Variants in NLRC5 observed in about 807,000 individuals in gnomAD.
The protein encoded by NLRC5 is NLR family CARD domain containing 5, also known as protein NLRC5.
Under a neutral mutation model 206.9 loss-of-function variants are expected in NLRC5, and 114 were observed. The ratio of observed to expected loss-of-function variants is 0.55; its 90% confidence interval spans 0.47 to 0.64. The LOEUF is 0.64. Among genes scored for constraint, NLRC5 ranks in the 30% least tolerant of loss-of-function variants. NLRC5 has a pLI of 0.00. For missense variants in NLRC5, 2,008 were observed against 2,305.5 expected (o/e 0.87, Z 2.64); for synonymous variants, 952 against 962.8 (o/e 0.99, Z 0.21).
chr16:57,025,227 T>C, intron 5 of NLRC5, 141 bp from the exon 6 acceptor site: 2 of 1,392,946 alleles, frequency 1.4e-6, no homozygotes, highest in South Asian at 1.7e-5. Context: ...CCCCCTATGG[T>C]GCTCTTGACA....
intron 46 of NLRC5, among the ~76,000 whole-genome samples, chr16:57,079,952 C>T (rs11639875): frequency 0.065 from 9,870 of 152,204 alleles, 446 homozygotes; most frequent in South Asian, 0.13. Flanking sequence ...ACTGGATAGA[C>T]CACCTTGCCT....
chr16:57,080,530 G>A (rs1258196378), intron 46 of NLRC5, among the ~76,000 whole-genome samples: 1 of 130,596 alleles, frequency 7.7e-6, no homozygotes, highest in South Asian at 2.4e-4. Context: ...TGTTACCCAG[G>A]CTGGAGTGCA....
intron 41 of NLRC5, 123 bp downstream of exon 41, chr16:57,077,502 T>A: frequency 9.9e-7 from 1 of 1,012,488 alleles, no homozygotes; most frequent in Non-Finnish European, 1.5e-6. Flanking sequence ...GTCCAGGCAG[T>A]GGGGCTCGGT....
At chr16:57,049,107 T>TAA (rs572162331) in intron 23 of NLRC5, among the ~76,000 whole-genome samples, 10 of 141,990 alleles carry the variant, frequency 7.0e-5, no homozygotes, top group African/African-American at 7.8e-5. Flanking sequence ...GCTGATGTGC[T>TAA]AAAAAAAAAA....
At chr16:56,995,378 ACG>A (rs2057476785) in intron 1 of NLRC5, among the ~76,000 whole-genome samples, 1 of 152,244 alleles carries the variant, frequency 6.6e-6, no homozygotes, top group Non-Finnish European at 1.5e-5. Flanking sequence ...GGCGTAAGCA[ACG>A]CCCTGGTGAA....
rs1424611882 is a variant in NLRC5 at position 57,083,108 on chromosome 16, T to C, written c.*580T>C. 1 of 152,382 alleles carries C rather than the reference T, an allele frequency of 6.6e-6. No homozygotes were observed. The highest frequency in any genetic ancestry group is 2.4e-5 in the African/African-American group (1 of 41,468). The allele number at this position is 152,382 out of a possible 1,614,324, so 9.4% of individuals were successfully genotyped here. A position where few individuals can be genotyped will look rare whatever the true frequency, so the allele number is the denominator to read the frequency against. Reference sequence around the variant, plus strand: ...CCGAGCTGGGAGGGGAGAGTGTCCATGCACTGACCAGTCCAGGGGCTCAAG... The same window carrying C: ...CCGAGCTGGGAGGGGAGAGTGTCCACGCACTGACCAGTCCAGGGGCTCAAG... On this transcript the variant is annotated 3_prime_UTR_variant, in exon 49 of 49. Transcript: ENST00000688547.
chr16:57,040,795 G>A lies in NLRC5; in HGVS notation c.2939+77G>A. On this transcript the variant is annotated intron_variant, in intron 17 of 48. Transcript: ENST00000688547. Reference sequence around the variant, plus strand: ...CTGCTCAGAGCCTGCTCCCAAACCTGTGCCCAGGCCCCACATGCTCCCTGA... The same window carrying A: ...CTGCTCAGAGCCTGCTCCCAAACCTATGCCCAGGCCCCACATGCTCCCTGA... 2.8e-6 allele frequency: 4 copies of A among 1,425,998 alleles called. No individual in the cohort carries two copies. The Admixed American group carries it at 5.3e-5, about 19-fold the overall frequency. 88.3% of individuals were successfully genotyped at this position (1,425,998 alleles called of 1,614,324 possible). A position where few individuals can be genotyped will look rare whatever the true frequency, so the allele number is the denominator to read the frequency against.
intron 38 of NLRC5, among the ~76,000 whole-genome samples, chr16:57,072,759 C>T (rs9937051): frequency 0.21 from 31,635 of 152,004 alleles, 3,435 homozygotes; most frequent in African/African-American, 0.25. Flanking sequence ...TGAAATGCCC[C>T]GGGGATGACA....
chr16:57,057,878 G>GTGA (rs1428929053), intron 27 of NLRC5, among the ~76,000 whole-genome samples, 187 bp from the exon 28 acceptor site: 2 of 152,070 alleles, frequency 1.3e-5, no homozygotes, highest in Non-Finnish European at 2.9e-5. Flanking sequence ...GGTAATACTG[G>GTGA]TGGTGGTGAC....
chr16:57,024,716 A>G (rs2061079987), intron 5 of NLRC5, among the ~76,000 whole-genome samples: 1 of 152,146 alleles, frequency 6.6e-6, no homozygotes. Flanking sequence ...TTTCAATAAG[A>G]TATTGCAAAG....
chr16:57,057,843 T>C (rs2065887069), intron 27 of NLRC5, among the ~76,000 whole-genome samples: 1 of 151,922 alleles, frequency 6.6e-6, no homozygotes, highest in Non-Finnish European at 1.5e-5. Context: ...ATTGTGGTGA[T>C]AATGAAAGTG....
rs773890812 is a variant in NLRC5 at position 57,061,510 on chromosome 16, C to T, written c.4049C>T (p.Ser1350Phe). ...AGGCTGGCCACCGGCTTGAGCAAGT[C>T]CCTGCAGCTGACGGAGCTCACGTGA... ...VSRLATGLSK[S>F]LQLTELTLTQ... The change falls in exon 31 of 49, where the codon TCC becomes TTC. Residue 1350 changes from serine (S) to phenylalanine (F), a missense_variant. Transcript: ENST00000688547. The T allele has an allele frequency of 6.2e-7, 1 of 1,610,552 alleles. No homozygotes were observed. The highest frequency in any genetic ancestry group is 1.1e-5 in the South Asian group (1 of 91,078).
rs199475988 is a variant in NLRC5 at position 57,041,324 on chromosome 16, G to A, written c.2940-161G>A. The A allele has an allele frequency of 9.5e-4, 576 of 603,630 alleles. 4 individuals are homozygous for A. Among genetic ancestry groups the A allele is most frequent in the Middle Eastern group, 4.0e-3 (9 of 2,278 alleles). The allele number at this position is 603,630 out of a possible 1,614,324, so 37.4% of individuals were successfully genotyped here. ...GTGACATCCTGTGGGTGTCGTGTGT[G>A]TTGGTCCCTCTTTGTCCGTCTGTCT... On this transcript the variant is annotated intron_variant, in intron 17 of 48. Transcript: ENST00000688547.
In NLRC5 at chr16:57,025,393, C is replaced by G. The variant is rs530594443; in HGVS notation, c.450C>G (p.Leu150=). The G allele has an allele frequency of 6.5e-7, 1 of 1,545,146 alleles. No individual in the cohort carries two copies. The highest frequency in any genetic ancestry group is 2.3e-5 in the East Asian group (1 of 44,344). ...QLELAKKYLQ[L]LRTSAQQRYR... is the part of the protein sequence containing the mutation. Reference sequence around the variant, plus strand: ...AGTTGGCCAAGAAGTACCTGCAGCTCCTGCGGACCTCTGCCCAGCAGCGCT... The same window carrying G: ...AGTTGGCCAAGAAGTACCTGCAGCTGCTGCGGACCTCTGCCCAGCAGCGCT... Residue 150 remains leucine (L), a synonymous_variant, in exon 6 of 49, where the codon CTC becomes CTG. Transcript: ENST00000688547.
intron 1 of NLRC5, among the ~76,000 whole-genome samples, chr16:57,007,311 C>T (rs554489917): frequency 6.6e-6 from 1 of 152,362 alleles, no homozygotes; most frequent in Admixed American, 6.5e-5. Context: ...AATTCACAAC[C>T]TTGCCAACTC....
intron 13 of NLRC5, among the ~76,000 whole-genome samples, chr16:57,035,437 G>GC (rs1190588385): frequency 1.3e-5 from 2 of 151,868 alleles, no homozygotes; most frequent in African/African-American, 4.8e-5. Flanking sequence ...CCAGAACCCT[G>GC]CCCCCAGCCT....
At chr16:56,993,461 T>TGGGAG in intron 1 of NLRC5, among the ~76,000 whole-genome samples, 1 of 152,250 alleles carries the variant, frequency 6.6e-6, no homozygotes, top group Admixed American at 6.5e-5. Context: ...TTTTCATACG[T>TGGGAG]GGGAGTGAAT....
chr16:57,034,186 C>T lies in NLRC5; in HGVS notation c.2562C>T (p.Leu854=). The T allele has an allele frequency of 6.2e-7, 1 of 1,614,056 alleles. No individual in the cohort carries two copies. ...ACCCAAGGCTGCAGAAGTGTCAGCTCCAGGTCCACGATGCGGAGGCCCTCA... is the reference window on the plus strand; with the variant it reads ...ACCCAAGGCTGCAGAAGTGTCAGCTTCAGGTCCACGATGCGGAGGCCCTCA... ...SLTLRLQKCQ[L]QVHDAEALIA... is the part of the protein sequence containing the mutation. Residue 854 remains leucine, a synonymous_variant, in exon 13 of 49, where the codon CTC becomes CTT. Coordinates refer to ENST00000688547, the MANE Select transcript of NLRC5 (RefSeq NM_001384950.1).
At chr16:57,053,141 A>G (rs1396905096) in intron 24 of NLRC5, 3 of 152,244 alleles carry the variant, frequency 2.0e-5, no homozygotes, top group African/African-American at 7.2e-5. Flanking sequence ...GAACTTAGCC[A>G]GTGATAAGAG....
Sources: allele counts gnomAD v4.1 joint callset (sites outside exome capture counted in the v4.1 genomes callset), GRCh38; gene constraint gnomAD v4.1.1; transcripts MANE v1.5; gene names NCBI Gene and HGNC (gene_info 2026-07-23, HGNC 2026-07-21).